Variants in HBS1L observed in about 807,000 individuals in gnomAD.
HBS1L encodes the protein HBS1-like protein.
In HBS1L, 55 loss-of-function variants were observed where a neutral mutation model predicts 88.9. The ratio of observed to expected loss-of-function variants is 0.62; its 90% CI spans 0.50 to 0.77. HBS1L has a LOEUF of 0.77. Ranked by LOEUF, HBS1L falls within the 30% of genes least tolerant of loss-of-function variation. HBS1L has a pLI of 0.00. For missense variants in HBS1L, 741 were observed against 829.3 expected (o/e 0.89, Z 1.31); for synonymous variants, 267 against 288.5 (o/e 0.93, Z 0.76).
At chr6:134,980,098 G>C (rs1774784035) in intron 13 of HBS1L, among the ~76,000 whole-genome samples, 1 of 151,954 alleles carries the variant, frequency 6.6e-6, no homozygotes, top group Admixed American at 6.6e-5. Flanking sequence ...CCTTTCCATA[G>C]AAATGTAGGC....
At chr6:134,968,110 A>G (rs1183224712) in intron 16 of HBS1L, among the ~76,000 whole-genome samples, 1 of 152,162 alleles carries the variant, frequency 6.6e-6, no homozygotes, top group East Asian at 1.9e-4. Flanking sequence ...TGCAGGTGTA[A>G]AAGATGAGGA....
chr6:134,997,672 AG>A lies in HBS1L; in HGVS notation c.540-17del. On this transcript the variant is annotated splice_polypyrimidine_tract_variant and intron_variant, in intron 5 of 17. Transcript: ENST00000367837. The stretch of plus-strand genomic sequence containing the variant: ...AGAAGATACTCTACAGAAGGCAGAT[AG>A]GAAAAAAGTATTTGAAACCAACTCT... The A allele has an allele frequency of 6.2e-7, 1 of 1,612,310 alleles. No homozygotes were observed. Among genetic ancestry groups the A allele is most frequent in the Non-Finnish European group, 8.5e-7 (1 of 1,178,608 alleles).
chr6:134,976,021 T>A (rs1774633432), intron 15 of HBS1L, among the ~76,000 whole-genome samples: 1 of 152,040 alleles, frequency 6.6e-6, no homozygotes. Context: ...CTGACAGGAC[T>A]AGTATCCAGA....
chr6:135,040,344 C>CCTTTTTTTTT lies in HBS1L; in HGVS notation c.236-578_236-577insAAAAAAAAAG, dbSNP rs1365916364. On this transcript the variant is annotated intron_variant, in intron 3 of 17. Coordinates refer to ENST00000367837, the MANE Select transcript of HBS1L (RefSeq NM_006620.4). ...GGAGATTAAGGGGAGGATAGGCATT[C>CCTTTTTTTTT]TTTTTTTTTTTTTTTTTTTTTTTTG... Among the ~76,000 whole-genome samples the CCTTTTTTTTT allele has an allele frequency of 1.0e-4, 11 of 110,056 alleles. 1 individual carries two copies. Among genetic ancestry groups the CCTTTTTTTTT allele is most frequent in the Admixed American group, 2.2e-4 (2 of 8,938 alleles). The allele number at this position is 110,056 out of a possible 152,430, so 72.2% of individuals were successfully genotyped here. A position where few individuals can be genotyped will look rare whatever the true frequency, so the allele number is the denominator to read the frequency against.
intron 4 of HBS1L, among the ~76,000 whole-genome samples, chr6:135,011,390 T>G (rs925088412): frequency 6.6e-6 from 1 of 152,076 alleles, no homozygotes; most frequent in Non-Finnish European, 1.5e-5. Context: ...CGTATTAACA[T>G]GCACCTGTAG....
In HBS1L at chr6:134,964,600, T is replaced by A. The variant is rs1342357925; in HGVS notation, c.*679A>T. 1.3e-5 allele frequency: 2 copies of A among 152,190 alleles called. No homozygotes were observed. The highest frequency in any genetic ancestry group is 6.5e-5 in the Admixed American group (1 of 15,280). 9.4% of individuals were successfully genotyped at this position (152,190 alleles called of 1,614,324 possible). ...TTACTGTTAGTGGCAGAGAATCTCA[T>A]AAATGTCTAAAGAACAAAACACAGT... On this transcript the variant is annotated 3_prime_UTR_variant, in exon 18 of 18. Transcript: ENST00000367837.
intron 7 of HBS1L, among the ~76,000 whole-genome samples, chr6:134,996,379 T>A (rs1462177806): frequency 6.6e-6 from 1 of 152,332 alleles, no homozygotes; most frequent in Non-Finnish European, 1.5e-5. Context: ...AGAGGTTTTA[T>A]GACAGTTACC....
At chr6:135,051,785 A>C (rs1777092750) in intron 1 of HBS1L, among the ~76,000 whole-genome samples, 1 of 152,214 alleles carries the variant, frequency 6.6e-6, no homozygotes, top group South Asian at 2.1e-4. Context: ...ACAACTAAAA[A>C]CCCACAAAGA....
At chr6:134,998,107 G>A (rs1212813043) in intron 5 of HBS1L, among the ~76,000 whole-genome samples, 3 of 152,158 alleles carry the variant, frequency 2.0e-5, no homozygotes, top group Non-Finnish European at 2.9e-5. Context: ...ATACTACCCC[G>A]AGGGGAGATA....
intron 13 of HBS1L, among the ~76,000 whole-genome samples, chr6:134,980,398 C>T (rs1468275850): frequency 6.6e-6 from 1 of 151,876 alleles, no homozygotes; most frequent in Non-Finnish European, 1.5e-5. Flanking sequence ...AACATGTTAG[C>T]AATTATCGTA....
chr6:135,022,923 GAAA>G lies in HBS1L; in HGVS notation c.430+16647_430+16649del, dbSNP rs564104233. ...CTCATAATACATTTGACCTAAGCAG[GAAA>G]AAAAAAAAAAGAGGTTGCATCTCCT... is the stretch of plus-strand genomic sequence containing the variant. On this transcript the variant is annotated intron_variant, in intron 4 of 17. Coordinates refer to ENST00000367837, the MANE Select transcript of HBS1L (RefSeq NM_006620.4). Among the ~76,000 whole-genome samples the G allele has an allele frequency of 4.3e-3, 573 of 132,468 alleles. 3 individuals are homozygous for G. Among genetic ancestry groups the G allele is most frequent in the African/African-American group, 0.014 (512 of 36,384 alleles). 86.9% of individuals were successfully genotyped at this position (132,468 alleles called of 152,430 possible).
At position 134,981,689 on chromosome 6, in the gene HBS1L, T is replaced by C. The variant is rs555921643; in HGVS notation, c.1597+769A>G. On this transcript the variant is annotated intron_variant, in intron 13 of 17. Coordinates refer to ENST00000367837, the MANE Select transcript of HBS1L (RefSeq NM_006620.4). ...GGTTACAAATAATATTATTTTATAG[T>C]ATAAAACAGATCTTCAGAAGTCAGA... Among the ~76,000 whole-genome samples the C allele has an allele frequency of 5.9e-5, 9 of 152,000 alleles. No homozygotes were observed. In the East Asian group the frequency reaches 1.4e-3, roughly 23 times the overall value.
At chr6:134,977,901 C>T (rs1774697105) in intron 15 of HBS1L, among the ~76,000 whole-genome samples, 1 of 151,938 alleles carries the variant, frequency 6.6e-6, no homozygotes, top group Non-Finnish European at 1.5e-5. Flanking sequence ...TATCTCAAAA[C>T]AATTACACAT....
intron 7 of HBS1L, among the ~76,000 whole-genome samples, chr6:134,995,751 C>G (rs1411385789): frequency 6.6e-6 from 1 of 151,670 alleles, no homozygotes; most frequent in Admixed American, 6.6e-5. Flanking sequence ...CATTGTTTTC[C>G]AAAATTGGCA....
intron 4 of HBS1L, among the ~76,000 whole-genome samples, chr6:135,004,384 G>A (rs1185104443): frequency 1.3e-5 from 2 of 152,056 alleles, no homozygotes; most frequent in Admixed American, 1.3e-4. Context: ...GTGAGAATTG[G>A]AGCTATGATG....
intron 17 of HBS1L, among the ~76,000 whole-genome samples, chr6:134,965,814 TAG>T (rs1774297485): frequency 6.6e-6 from 1 of 152,198 alleles, no homozygotes; most frequent in African/African-American, 2.4e-5. Flanking sequence ...ATTATGTATA[TAG>T]AGTTTCTTGG....
In HBS1L at chr6:134,970,032, G is replaced by T. The variant is rs1774436871; in HGVS notation, c.1798-694C>A. The stretch of plus-strand genomic sequence containing the variant: ...ACAAACATTGTATGATATGATTTAT[G>T]ATTTATATGTACTATTTAATTTATG... On this transcript the variant is annotated intron_variant, in intron 15 of 17. Transcript: ENST00000367837. Among the ~76,000 whole-genome samples the T allele has an allele frequency of 2.0e-5, 3 of 152,170 alleles. No individual in the cohort carries two copies. In the South Asian group the frequency reaches 6.2e-4, roughly 32 times the overall value.
chr6:135,043,764 G>C (rs1046903374), intron 2 of HBS1L, among the ~76,000 whole-genome samples: 1 of 152,158 alleles, frequency 6.6e-6, no homozygotes, highest in African/African-American at 2.4e-5. Context: ...AAGAATAAGA[G>C]AAATATTAAT....
intron 15 of HBS1L, among the ~76,000 whole-genome samples, chr6:134,978,000 A>G (rs769144121): frequency 8.6e-5 from 13 of 152,018 alleles, no homozygotes; most frequent in Non-Finnish European, 1.2e-4. Flanking sequence ...CATAAAATGT[A>G]TATGTTCAAA....
Sources: gnomAD v4.1 joint callset for allele counts (sites outside exome capture counted in the v4.1 genomes callset) on GRCh38, gnomAD v4.1.1 for gene constraint, MANE v1.5 for transcripts, NCBI Gene and HGNC (gene_info 2026-07-23, HGNC 2026-07-21) for gene names.